Variants in VEGFD observed in about 807,000 individuals in gnomAD.
The protein encoded by VEGFD is c-fos induced growth factor (vascular endothelial growth factor D).
VEGFD carries 26 observed loss-of-function variants against 28.0 expected under a neutral mutation model. That is an observed-to-expected ratio of 0.93 (90% CI 0.68 to 1.29). The LOEUF (loss-of-function observed/expected upper bound fraction) is 1.29. Among genes scored for constraint, VEGFD ranks in the 50% most tolerant of loss-of-function variants. The pLI, the probability that VEGFD is intolerant of heterozygous loss-of-function variation, is 0.00. For missense variants in VEGFD, 294 were observed against 273.4 expected, an observed-to-expected ratio of 1.08 and a Z score of -0.53; for synonymous variants, 93 against 95.5, an observed-to-expected ratio of 0.97 and a Z score of 0.15.
intron 1 of VEGFD, among the ~76,000 whole-genome samples, chrX:15,381,369 T>C (rs1025623376): frequency 9.0e-6 from 1 of 110,618 alleles, no homozygotes; most frequent in African/African-American, 3.3e-5. Context: ...GGGCTGGGGG[T>C]GGCTGGAGGA....
At chrX:15,383,546 C>T (rs1923638455) in intron 1 of VEGFD, among the ~76,000 whole-genome samples, 1 of 112,028 alleles carries the variant, frequency 8.9e-6, no homozygotes, top group Non-Finnish European at 1.9e-5. Context: ...CATTAAAAAA[C>T]CACTGTGCCA....
In VEGFD at chrX:15,358,074, G is replaced by C; in HGVS notation, c.421C>G (p.Arg141Gly). 1.7e-6 allele frequency: 2 copies of C among 1,211,408 alleles called. No individual in the cohort carries two copies. Among genetic ancestry groups the C allele is most frequent in the Non-Finnish European group, 2.2e-6 (2 of 895,233 alleles). ...TCTTCATTGCAACAGCCACCACATC[G>C]GAACACGTTCACACAAGGGGGCTTG... ...FFKPPCVNVF[R>G]CGGCCNEESL... The change falls in exon 3 of 7, where the codon CGA (arginine) becomes GGA (glycine). Residue 141 changes from arginine (R) to glycine (G), a missense_variant. By Grantham distance (125) the Arg-to-Gly change is moderately radical. Coordinates refer to ENST00000297904, the MANE Select transcript of VEGFD (RefSeq NM_004469.5).
At chrX:15,382,190 C>T (rs866667195) in intron 1 of VEGFD, among the ~76,000 whole-genome samples, 3 of 110,530 alleles carry the variant, frequency 2.7e-5, no homozygotes, top group African/African-American at 9.9e-5. Context: ...CATGGTGGCA[C>T]GTGCCTATAA....
chrX:15,378,827 T>G (rs1348589560), intron 1 of VEGFD, among the ~76,000 whole-genome samples: 1 of 111,005 alleles, frequency 9.0e-6, no homozygotes, highest in East Asian at 2.8e-4. Flanking sequence ...TGCAGGAAAA[T>G]TACATAAAAT....
chrX:15,351,814 T>G (rs1299852152), intron 5 of VEGFD, among the ~76,000 whole-genome samples: 4 of 112,796 alleles, frequency 3.5e-5, no homozygotes, highest in Non-Finnish European at 7.5e-5. Context: ...GTACATTGGA[T>G]AGATTGGATT....
chrX:15,350,424 C>T (rs1023844916), intron 5 of VEGFD, among the ~76,000 whole-genome samples: 1 of 112,807 alleles, frequency 8.9e-6, no homozygotes, highest in Non-Finnish European at 1.9e-5. Context: ...TCTCCTAAGG[C>T]TACATCCCCT....
chrX:15,359,053 A>T (rs1230264687), intron 2 of VEGFD, among the ~76,000 whole-genome samples: 1 of 111,359 alleles, frequency 9.0e-6, no homozygotes, highest in Non-Finnish European at 1.9e-5. Flanking sequence ...GAGTTTATTT[A>T]TTATGTGTGG....
intron 5 of VEGFD, 168 bp from the exon 6 acceptor site, chrX:15,347,527 G>GATT (rs1922586308): frequency 5.8e-6 from 2 of 343,743 alleles, no homozygotes; most frequent in East Asian, 8.9e-5. Context: ...ATTAACCTCT[G>GATT]ATTTCACAAT....
intron 5 of VEGFD, among the ~76,000 whole-genome samples, chrX:15,349,421 A>G (rs1244575814): frequency 8.9e-6 from 1 of 112,277 alleles, no homozygotes; most frequent in African/African-American, 3.2e-5. Flanking sequence ...AACAGCAAGT[A>G]GCTGAGGGTG....
chrX:15,359,019 C>T (rs4481765), intron 2 of VEGFD, among the ~76,000 whole-genome samples: 1,182 of 111,423 alleles, frequency 0.011, 13 homozygotes, highest in African/African-American at 0.036. Flanking sequence ...CAAAGACTTC[C>T]TTGTAGCTTG....
intron 1 of VEGFD, among the ~76,000 whole-genome samples, chrX:15,366,722 A>G (rs772583257): frequency 4.5e-5 from 5 of 111,750 alleles, no homozygotes; most frequent in African/African-American, 1.3e-4. Flanking sequence ...CCAGGCAGCA[A>G]TGAGCAGTAA....
intron 4 of VEGFD, 24 bp from the exon 5 acceptor site, chrX:15,353,192 A>G (rs1362726427): frequency 1.1e-6 from 1 of 902,880 alleles, no homozygotes; most frequent in East Asian, 3.4e-5. Flanking sequence ...ACAATGAACC[A>G]GATTTAAAAG....
intron 5 of VEGFD, among the ~76,000 whole-genome samples, chrX:15,350,735 A>C (rs78567643): frequency 5.3e-5 from 4 of 76,123 alleles, no homozygotes; most frequent in East Asian, 4.5e-4. Flanking sequence ...CTTTCTTTCT[A>C]TCCTTCCTTC....
chrX:15,355,200 G>C lies in VEGFD; in HGVS notation c.591C>G (p.Arg197=). 8.3e-7 allele frequency: 1 copy of C among 1,206,177 alleles called. No homozygotes were observed. The highest frequency in any genetic ancestry group is 1.8e-5 in the South Asian group (1 of 55,520). The change falls in exon 4 of 7, where the codon CGC becomes CGG. Residue 197 remains arginine (R), a synonymous_variant. Coordinates refer to ENST00000297904, the MANE Select transcript of VEGFD (RefSeq NM_004469.5). ...TGCKCLPTAP[R]HPYSIIRRSI... is the part of the protein sequence containing the mutation. ...ATCTTCTGATAATTGAGTATGGATG[G>C]CGGGGGGCTGTTGGCAAGCACTTAC...
chrX:15,360,341 CTTT>C (rs766015755), intron 2 of VEGFD, among the ~76,000 whole-genome samples: 3 of 96,807 alleles, frequency 3.1e-5, no homozygotes, highest in Admixed American at 1.1e-4. Context: ...TCCTGAGAAA[CTTT>C]TTTTTTTTTT....
chrX:15,352,938 A>G (rs1188567901), intron 5 of VEGFD, 130 bp downstream of exon 5: 1 of 298,096 alleles, frequency 3.4e-6, no homozygotes, highest in Non-Finnish European at 6.1e-6. Flanking sequence ...GGTTGTTGTG[A>G]GAATTAAATG....
chrX:15,351,355 G>T (rs1427809335), intron 5 of VEGFD, among the ~76,000 whole-genome samples: 1 of 106,948 alleles, frequency 9.4e-6, no homozygotes, highest in Non-Finnish European at 1.9e-5. Flanking sequence ...TCCTGACCTC[G>T]TGATCCGCCC....
chrX:15,357,933 G>T, intron 3 of VEGFD, 70 bp downstream of exon 3: 1 of 916,234 alleles, frequency 1.1e-6, no homozygotes, highest in Non-Finnish European at 1.5e-6. Flanking sequence ...TTAGCAACAA[G>T]GTTGTTGTAG....
intron 1 of VEGFD, among the ~76,000 whole-genome samples, chrX:15,374,883 A>G (rs1923399039): frequency 9.1e-6 from 1 of 109,832 alleles, no homozygotes; most frequent in Admixed American, 9.8e-5. Context: ...ATAATAGGTC[A>G]CCTCATAAAG....
Sources: gnomAD v4.1 joint callset for allele counts (sites outside exome capture counted in the v4.1 genomes callset) on GRCh38, gnomAD v4.1.1 for gene constraint, MANE v1.5 for transcripts, NCBI Gene and HGNC (gene_info 2026-07-23, HGNC 2026-07-21) for gene names.